The following BEX3 variants were observed in gnomAD, a reference collection of about 807,000 sequenced individuals.
BEX3 encodes brain expressed X-linked 3.
BEX3 carries 1 observed loss-of-function variant against 6.1 expected under a neutral mutation model. The observed-to-expected ratio is 0.16, with a 90% confidence interval of 0.06 to 0.78. BEX3 has a LOEUF of 0.78. Among genes scored for constraint, BEX3 ranks in the 30% least tolerant of loss-of-function variants. The probability of loss-of-function intolerance (pLI) is 0.75; values close to 1 mark genes in which losing one functional copy is unlikely to be tolerated. For synonymous variants in BEX3, 33 were observed against 25.2 expected (o/e 1.31, Z -0.93); for missense variants, 49 against 84.7 (o/e 0.58, Z 1.65).
rs1338835979 is a variant in BEX3 at position 103,377,910 on chromosome X, T to TC, written c.*85dup. The TC allele has an allele frequency of 1.3e-6, 1 of 765,765 alleles. No individual in the cohort carries two copies. The highest frequency in any genetic ancestry group is 1.9e-6 in the Non-Finnish European group (1 of 522,367). The allele number at this position is 765,765 out of a possible 1,213,427, so 63.1% of individuals were successfully genotyped here. On this transcript the variant is annotated 3_prime_UTR_variant, in exon 3 of 3. Transcript: ENST00000361298. ...CATTTTCCTAATATGCCTTTACTGATCCGTTTGCTGTGAACCCTATGTTAT... is the reference window on the plus strand; with the variant it reads ...CATTTTCCTAATATGCCTTTACTGATCCCGTTTGCTGTGAACCCTATGTTAT...
intron 2 of BEX3, 90 bp downstream of exon 2, chrX:103,377,196 C>A: frequency 1.4e-5 from 4 of 288,967 alleles, no homozygotes; most frequent in East Asian, 7.2e-5. Flanking sequence ...ATCCCCCACT[C>A]CTATACCGGT....
upstream of BEX3, chrX:103,376,414 G>C: frequency 4.0e-6 from 3 of 743,793 alleles, no homozygotes; most frequent in South Asian, 2.1e-4. Context: ...TGGCGGTGGC[G>C]GGTGGGGGGA....
chrX:103,377,199 A>C, intron 2 of BEX3, 93 bp downstream of exon 2: 2 of 315,547 alleles, frequency 6.3e-6, no homozygotes, highest in South Asian at 1.2e-4. Context: ...CCCCACTCCT[A>C]TACCGGTCCT....
rs1927275568 is a variant in BEX3, at chrX:103,377,607, A to G, written c.86A>G (p.Gln29Arg). 1 of 1,209,698 alleles carries G rather than the reference A, an allele frequency of 8.3e-7. No individual in the cohort carries two copies. Among genetic ancestry groups the G allele is most frequent in the Non-Finnish European group, 1.1e-6 (1 of 895,167 alleles). The change falls in exon 3 of 3, where the codon CAG becomes CGG. Residue 29 changes from glutamine to arginine, a missense_variant. By Grantham distance (43) the Gln-to-Arg change is conservative. Transcript: ENST00000361298. ...CAGCCTGCAGGAAATCGACGGGGAC[A>G]GGCTCGCCGACTTGCCCCTAATTTT... ...GHQPAGNRRGQARRLAPNFRW... is the reference protein window; with the variant it reads ...GHQPAGNRRGRARRLAPNFRW...
chrX:103,378,059 C>T lies in BEX3; in HGVS notation c.*232C>T. 2.8e-6 allele frequency: 1 copy of T among 351,826 alleles called. No individual in the cohort carries two copies. The highest frequency in any genetic ancestry group is 4.4e-5 in the East Asian group (1 of 22,969). 29.0% of individuals were successfully genotyped at this position (351,826 alleles called of 1,213,427 possible). A position where few individuals can be genotyped will look rare whatever the true frequency, so the allele number is the denominator to read the frequency against. ...ATGGAAAAATTTAAAGCTAATAAAG[C>T]AATTTAAAAAGCAATCTATACATTT... On this transcript the variant is annotated 3_prime_UTR_variant, in exon 3 of 3. Transcript: ENST00000361298.
Position 103,378,026 on chromosome X carries a change from C to A in BEX3, c.*199C>A. 2.8e-6 allele frequency: 1 copy of A among 362,279 alleles called. No individual in the cohort carries two copies. Among genetic ancestry groups the A allele is most frequent in the Admixed American group, 5.1e-5 (1 of 19,480 alleles). The allele number at this position is 362,279 out of a possible 1,213,427, so 29.9% of individuals were successfully genotyped here. ...AAGTTTCTGTCAGCAGTAGTTTCAC[C>A]CATTTGCATGGAAAAATTTAAAGCT... is the stretch of plus-strand genomic sequence containing the variant. On this transcript the variant is annotated 3_prime_UTR_variant, in exon 3 of 3. Coordinates refer to ENST00000361298, the MANE Select transcript of BEX3 (RefSeq NM_206917.3).
At position 103,377,865 on chromosome X, in the gene BEX3, C is replaced by A. The variant is rs745474408; in HGVS notation, c.*38C>A. 1 of 1,035,928 alleles carries A rather than the reference C, an allele frequency of 9.7e-7. No homozygotes were observed. The highest frequency in any genetic ancestry group is 2.6e-5 in the Admixed American group (1 of 38,405). The allele number at this position is 1,035,928 out of a possible 1,213,427, so 85.4% of individuals were successfully genotyped here. A position where few individuals can be genotyped will look rare whatever the true frequency, so the allele number is the denominator to read the frequency against. On this transcript the variant is annotated 3_prime_UTR_variant, in exon 3 of 3. Transcript: ENST00000361298. ...ATCATGAGATTAATACTGTGATTCC[C>A]GCTGTTTTCTTTTTCCTTGCATTTT...
At chrX:103,376,998 C>T (rs1338216946) in intron 1 of BEX3, 30 bp from the exon 2 acceptor site, 1 of 129,602 alleles carries the variant, frequency 7.7e-6, no homozygotes, top group Non-Finnish European at 1.4e-5. Flanking sequence ...GCCCCCACCC[C>T]CCACAACCCC....
chrX:103,376,696 G>T, intron 1 of BEX3, 83 bp downstream of exon 1: 3 of 417,898 alleles, frequency 7.2e-6, no homozygotes, highest in Non-Finnish European at 6.0e-6. Context: ...CAGCGCAGGG[G>T]GTCCCCGCCA....
Position 103,377,741 on chromosome X carries a change from C to A in BEX3, c.220C>A (p.Leu74Met). 8.3e-7 allele frequency: 1 copy of A among 1,211,598 alleles called. No homozygotes were observed. The highest frequency in any genetic ancestry group is 1.1e-6 in the Non-Finnish European group (1 of 895,297). Residue 74 changes from leucine (L) to methionine (M), a missense_variant, in exon 3 of 3, where the codon CTG becomes ATG. Transcript: ENST00000361298. ...AGAAATCAGAAGAAAACTTAGGGAGCTGCAGTTGAGGAATTGTCTGCGTAT... is the reference window on the plus strand; with the variant it reads ...AGAAATCAGAAGAAAACTTAGGGAGATGCAGTTGAGGAATTGTCTGCGTAT... ...MREIRRKLRE[L>M]QLRNCLRILM... is the part of the protein sequence containing the mutation.
Position 103,377,763 on chromosome X carries a change from G to A in BEX3, c.242G>A (p.Arg81His), listed in dbSNP as rs1927281108. The change falls in exon 3 of 3, where the codon CGT becomes CAT. Residue 81 changes from arginine (R) to histidine (H), a missense_variant. By Grantham distance (29) the Arg-to-His change is conservative. Transcript: ENST00000361298. ...GAGCTGCAGTTGAGGAATTGTCTGC[G>A]TATCCTTATGGGGGAGCTCTCTAAT... Reference protein sequence around the residue: ...LRELQLRNCLRILMGELSNHH... With the variant: ...LRELQLRNCLHILMGELSNHH... 8.3e-7 allele frequency: 1 copy of A among 1,211,280 alleles called. No homozygotes were observed. Among genetic ancestry groups the A allele is most frequent in the Non-Finnish European group, 1.1e-6 (1 of 895,185 alleles).
chrX:103,377,365 A>G, intron 2 of BEX3, 145 bp from the exon 3 acceptor site: 1 of 824,342 alleles, frequency 1.2e-6, no homozygotes, highest in Admixed American at 3.2e-5. Flanking sequence ...GAAAAAACGA[A>G]ATTAAAAAAT....
At chrX:103,377,484 AT>A (rs1445819544) in intron 2 of BEX3, 25 bp from the exon 3 acceptor site, 2 of 1,186,575 alleles carry the variant, frequency 1.7e-6, no homozygotes, top group Admixed American at 5.0e-5. Context: ...GAAAAAAAAA[AT>A]CTCATCATGG....
At chrX:103,376,411 G>A, upstream of BEX3, 1 of 742,671 alleles carries the variant, frequency 1.3e-6, no homozygotes. Flanking sequence ...ATATGGCGGT[G>A]GCGGGTGGGG....
At chrX:103,376,729 C>T in intron 1 of BEX3, 116 bp downstream of exon 1, 1 of 241,217 alleles carries the variant, frequency 4.1e-6, no homozygotes, top group Non-Finnish European at 5.9e-6. Context: ...CCCCAACATG[C>T]TTGGGAACAC....
Position 103,377,608 on chromosome X carries a change from G to A in BEX3, c.87G>A (p.Gln29=). The A allele has an allele frequency of 8.3e-7, 1 of 1,211,732 alleles. No individual in the cohort carries two copies. Among genetic ancestry groups the A allele is most frequent in the Non-Finnish European group, 1.1e-6 (1 of 895,516 alleles). The part of the protein sequence containing the change: ...GHQPAGNRRG[Q]ARRLAPNFRW... ...AGCCTGCAGGAAATCGACGGGGACA[G>A]GCTCGCCGACTTGCCCCTAATTTTC... Residue 29 remains glutamine, a synonymous_variant, in exon 3 of 3, where the codon CAG becomes CAA. Transcript: ENST00000361298.
At chrX:103,376,962 G>C (rs1009590432) in intron 1 of BEX3, 66 bp from the exon 2 acceptor site, 7 of 135,289 alleles carry the variant, frequency 5.2e-5, no homozygotes, top group Non-Finnish European at 9.5e-5. Flanking sequence ...GCGGCGGCGG[G>C]TCTTCGCTAG....
chrX:103,377,486 C>G, intron 2 of BEX3, 24 bp from the exon 3 acceptor site: 1 of 1,184,847 alleles, frequency 8.4e-7, no homozygotes, highest in Non-Finnish European at 1.1e-6. Context: ...AAAAAAAAAT[C>G]TCATCATGGC....
chrX:103,378,092 C>T lies in BEX3; in HGVS notation c.*265C>T. 3.2e-6 allele frequency: 1 copy of T among 308,570 alleles called. No homozygotes were observed. The highest frequency in any genetic ancestry group is 5.6e-5 in the Admixed American group (1 of 17,930). The allele number at this position is 308,570 out of a possible 1,213,427, so 25.4% of individuals were successfully genotyped here. A position where few individuals can be genotyped will look rare whatever the true frequency, so the allele number is the denominator to read the frequency against. On this transcript the variant is annotated 3_prime_UTR_variant, in exon 3 of 3. Transcript: ENST00000361298. ...AAAGCAATCTATACATTTATTGTCT[C>T]ATTAAAAATGTATACTTACATATAA...
Sources: allele counts gnomAD v4.1 joint callset, GRCh38; gene constraint gnomAD v4.1.1; transcripts MANE v1.5; gene names NCBI Gene and HGNC (gene_info 2026-07-23, HGNC 2026-07-21).